Variants in CROCC2 observed in about 807,000 individuals in gnomAD.
The protein encoded by CROCC2 is ciliary rootlet coiled-coil, rootletin family member 2.
Under a neutral mutation model 177.6 loss-of-function variants are expected in CROCC2, and 163 were observed. That is an observed-to-expected ratio of 0.92 (90% CI 0.81 to 1.05). The LOEUF is 1.05. Among genes scored for constraint, CROCC2 ranks in the 50% least tolerant of loss-of-function variants. CROCC2 has a pLI of 0.00. For missense variants in CROCC2, 1,929 were observed against 1,797.8 expected (o/e 1.07, Z -1.32); for synonymous variants, 904 against 787.3 (o/e 1.15, Z -2.48).
At chr2:240,920,805 A>G (rs111930488) in intron 3 of CROCC2, among the ~76,000 whole-genome samples, 3 of 152,296 alleles carry the variant, frequency 2.0e-5, no homozygotes, top group African/African-American at 7.2e-5. Flanking sequence ...ACCGAGGCAG[A>G]AAGGTGAAGA....
chr2:240,936,895 G>A (rs1168622910), intron 14 of CROCC2, among the ~76,000 whole-genome samples: 1 of 152,224 alleles, frequency 6.6e-6, no homozygotes, highest in African/African-American at 2.4e-5. Flanking sequence ...CAAATTGGAG[G>A]AGGGGCCTGC....
chr2:240,948,952 T>C, intron 15 of CROCC2, 27 bp from the exon 16 acceptor site: 1 of 1,549,328 alleles, frequency 6.5e-7, no homozygotes, highest in Non-Finnish European at 8.7e-7. Context: ...GGGGATGACT[T>C]GCCCATTGTT....
chr2:240,986,246 C>T (rs1438976846), intron 28 of CROCC2, among the ~76,000 whole-genome samples: 2 of 152,168 alleles, frequency 1.3e-5, no homozygotes, highest in East Asian at 3.8e-4. Flanking sequence ...GTCCTGGTGG[C>T]CTGAGGCCAG....
chr2:240,983,945 A>T (rs1310838549), intron 28 of CROCC2, among the ~76,000 whole-genome samples: 2 of 152,066 alleles, frequency 1.3e-5, no homozygotes, highest in African/African-American at 4.8e-5. Flanking sequence ...CTGCGGCTGG[A>T]GCAACAGGTG....
intron 14 of CROCC2, among the ~76,000 whole-genome samples, chr2:240,939,722 T>C (rs1431060846): frequency 6.6e-6 from 1 of 152,204 alleles, no homozygotes; most frequent in Non-Finnish European, 1.5e-5. Flanking sequence ...TTCATCTGCA[T>C]CCTAATAATT....
At chr2:240,931,321 G>A (rs2059429935) in intron 7 of CROCC2, among the ~76,000 whole-genome samples, 193 bp downstream of exon 7, 1 of 152,220 alleles carries the variant, frequency 6.6e-6, no homozygotes, top group Non-Finnish European at 1.5e-5. Context: ...TAATGCCCAG[G>A]AGGCAGACAC....
At chr2:240,946,814 C>T (rs902105233) in intron 15 of CROCC2, among the ~76,000 whole-genome samples, 5 of 152,236 alleles carry the variant, frequency 3.3e-5, no homozygotes, top group East Asian at 1.9e-4. Flanking sequence ...TGTACCAATC[C>T]TAGGAGCTGG....
chr2:240,987,708 G>A (rs1325332682), intron 28 of CROCC2, among the ~76,000 whole-genome samples: 3 of 152,262 alleles, frequency 2.0e-5, no homozygotes, highest in African/African-American at 7.2e-5. Flanking sequence ...ACCCGACAGA[G>A]GGCATTGGGG....
rs2059890009 is a variant in CROCC2 at position 240,993,062 on chromosome 2, G to A, written c.4947-4G>A. The stretch of plus-strand genomic sequence containing the variant: ...TCCACGCCTCCCTCTTTGCATCCCT[G>A]CAGCGCCCAAAGGGACTGAAGCTCC... On this transcript the variant is annotated splice_region_variant and splice_polypyrimidine_tract_variant and intron_variant, in intron 31 of 31. Transcript: ENST00000690015. 6 of 717,094 alleles carry A rather than the reference G, an allele frequency of 8.4e-6. No homozygotes were observed. The highest frequency in any genetic ancestry group is 1.3e-5 in the Non-Finnish European group (5 of 384,912). The allele number at this position is 717,094 out of a possible 1,614,324, so 44.4% of individuals were successfully genotyped here.
In CROCC2 at chr2:240,918,930, G is replaced by C; in HGVS notation, c.229+54G>C. Reference sequence around the variant, plus strand: ...CGGGGCTGGCCAAGGTGACGGCGTGGGGGACAGTCCTGGGCCCGGTGCTGG... The same window carrying C: ...CGGGGCTGGCCAAGGTGACGGCGTGCGGGACAGTCCTGGGCCCGGTGCTGG... On this transcript the variant is annotated intron_variant, in intron 2 of 31. Coordinates refer to ENST00000690015, the MANE Select transcript of CROCC2 (RefSeq NM_001351305.2). This position sits in a 1 kb window ranked among gnomAD's most constrained non-coding sequence, Gnocchi z 6.3. The C allele has an allele frequency of 3.0e-6, 2 of 668,094 alleles. No homozygotes were observed. Among genetic ancestry groups the C allele is most frequent in the Non-Finnish European group, 5.5e-6 (2 of 364,944 alleles). The allele number at this position is 668,094 out of a possible 1,614,324, so 41.4% of individuals were successfully genotyped here. A position where few individuals can be genotyped will look rare whatever the true frequency, so the allele number is the denominator to read the frequency against.
chr2:240,961,323 G>A (rs1176664446), intron 20 of CROCC2, among the ~76,000 whole-genome samples: 1 of 152,108 alleles, frequency 6.6e-6, no homozygotes, highest in Non-Finnish European at 1.5e-5. Flanking sequence ...GCTGAATGCA[G>A]ACACACAAGC....
chr2:240,932,075 A>T (rs755604120), intron 7 of CROCC2, among the ~76,000 whole-genome samples: 8 of 152,240 alleles, frequency 5.3e-5, no homozygotes, highest in Non-Finnish European at 1.0e-4. Context: ...CAGCCACTGC[A>T]TCTGAGGCTG....
chr2:240,975,288 A>C (rs1407523825), intron 27 of CROCC2, among the ~76,000 whole-genome samples: 8 of 152,366 alleles, frequency 5.3e-5, no homozygotes, highest in South Asian at 2.1e-4. Flanking sequence ...AACTGGCACC[A>C]GACCCTGCCC....
intron 19 of CROCC2, 61 bp downstream of exon 19, chr2:240,956,033 G>A (rs74000199): frequency 6.4e-6 from 8 of 1,255,768 alleles, no homozygotes; most frequent in Non-Finnish European, 9.0e-6. Context: ...ACCCCAGGGG[G>A]CCACCCCTCC....
intron 30 of CROCC2, among the ~76,000 whole-genome samples, chr2:240,990,888 C>T (rs746011948): frequency 5.3e-5 from 8 of 152,366 alleles, no homozygotes; most frequent in South Asian, 2.1e-4. Flanking sequence ...AGCCACTGCA[C>T]CCAGCCTCAT....
chr2:240,964,713 G>A, intron 22 of CROCC2, 88 bp downstream of exon 22: 2 of 1,428,520 alleles, frequency 1.4e-6, no homozygotes, highest in Non-Finnish European at 1.9e-6. Flanking sequence ...CCCAGCCCTG[G>A]CCTTGCTGCC....
intron 28 of CROCC2, among the ~76,000 whole-genome samples, chr2:240,985,627 ACACACCCAGGCACTCACTC>A (rs2059834357): frequency 8.9e-6 from 1 of 112,446 alleles, no homozygotes; most frequent in Non-Finnish European, 1.8e-5. Context: ...CTCACTCCAC[ACACACCCAGGCACTCACTC>A]CACACACACC....
At chr2:240,992,926 G>A (rs2059889304) in intron 31 of CROCC2, 140 bp from the exon 32 acceptor site, 1 of 620,296 alleles carries the variant, frequency 1.6e-6, no homozygotes, top group East Asian at 2.9e-5. Flanking sequence ...GATGGCCAGG[G>A]CGGGAGGGAG....
At chr2:240,914,025 G>A (rs1319866700) in intron 1 of CROCC2, among the ~76,000 whole-genome samples, 1 of 152,282 alleles carries the variant, frequency 6.6e-6, no homozygotes, top group Non-Finnish European at 1.5e-5. Flanking sequence ...GAGAAAGGCA[G>A]CAGCCGCAGC....
Sources: allele counts gnomAD v4.1 joint callset (sites outside exome capture counted in the v4.1 genomes callset), GRCh38; gene constraint gnomAD v4.1.1; non-coding constraint Gnocchi (gnomAD v3.1); transcripts MANE v1.5; gene names NCBI Gene and HGNC (gene_info 2026-07-23, HGNC 2026-07-21).